TSFM: variants seen among roughly 807,000 people sequenced by gnomAD.
TSFM encodes elongation factor Ts, mitochondrial.
In TSFM, 29 loss-of-function variants were observed where a neutral mutation model predicts 33.4. That is an observed-to-expected ratio of 0.87 (90% CI 0.65 to 1.18). The LOEUF (loss-of-function observed/expected upper bound fraction) is 1.18. TSFM is among the 50% of genes most tolerant of loss of function. TSFM has a pLI of 0.00. For missense variants in TSFM, 394 were observed against 395.6 expected, an observed-to-expected ratio of 1.00 and a Z score of 0.04; for synonymous variants, 178 against 163.5, an observed-to-expected ratio of 1.09 and a Z score of -0.68.
intron 2 of TSFM, among the ~76,000 whole-genome samples, chr12:57,784,467 A>G (rs539745445): frequency 6.6e-6 from 1 of 152,374 alleles, no homozygotes; most frequent in South Asian, 2.1e-4. Context: ...AACTTTTAAC[A>G]TGTTTTAAAT....
chr12:57,787,032 T>C lies in TSFM; in HGVS notation c.361-8T>C. The C allele has an allele frequency of 6.2e-7, 1 of 1,612,992 alleles. No homozygotes were observed. The highest frequency in any genetic ancestry group is 8.5e-7 in the Non-Finnish European group (1 of 1,179,448). On this transcript the variant is annotated splice_region_variant and splice_polypyrimidine_tract_variant and intron_variant, in intron 3 of 5. Coordinates refer to ENST00000652027, the MANE Select transcript of TSFM (RefSeq NM_005726.6). ...AGCTTATACAGCTATATCAATTTGT[T>C]CCCACAGGTAAACTGTGAGACAGAT... is the stretch of plus-strand genomic sequence containing the variant.
At chr12:57,783,336 T>G in intron 2 of TSFM, 53 bp downstream of exon 2, 3 of 1,607,578 alleles carry the variant, frequency 1.9e-6, no homozygotes, top group Non-Finnish European at 2.6e-6. Flanking sequence ...CCTCAGACTC[T>G]TGGGGCGGTC....
At chr12:57,790,036 T>C (rs2140421062) in intron 4 of TSFM, among the ~76,000 whole-genome samples, 1 of 151,552 alleles carries the variant, frequency 6.6e-6, no homozygotes, top group African/African-American at 2.4e-5. Flanking sequence ...GATTTGAATG[T>C]TAGGTGTGCT....
intron 5 of TSFM, among the ~76,000 whole-genome samples, chr12:57,795,234 G>C (rs1030477052): frequency 5.9e-5 from 9 of 151,492 alleles, no homozygotes; most frequent in African/African-American, 2.2e-4. Context: ...GAGTAGCTGG[G>C]ATTACAGGCA....
At position 57,792,872 on chromosome 12, in the gene TSFM, G is replaced by A. The variant is rs989355501; in HGVS notation, c.484-114G>A. The A allele has an allele frequency of 3.2e-5, 33 of 1,027,466 alleles. No homozygotes were observed. In the Admixed American group the frequency reaches 5.7e-4, roughly 18 times the overall value. The allele number at this position is 1,027,466 out of a possible 1,614,324, so 63.6% of individuals were successfully genotyped here. A position where few individuals can be genotyped will look rare whatever the true frequency, so the allele number is the denominator to read the frequency against. ...TTCCCAAAGTGTTGGGATTACAGGC[G>A]TGAGCCACCACGCCTGGCCAATACT... On this transcript the variant is annotated intron_variant, in intron 4 of 5. Coordinates refer to ENST00000652027, the MANE Select transcript of TSFM (RefSeq NM_005726.6).
intron 5 of TSFM, 86 bp downstream of exon 5, chr12:57,793,159 A>G: frequency 8.5e-7 from 1 of 1,180,932 alleles, no homozygotes; most frequent in South Asian, 1.3e-5. Context: ...GTCAAGAATC[A>G]TGTGCCTACA....
chr12:57,790,739 T>C (rs892244733), intron 4 of TSFM, among the ~76,000 whole-genome samples: 1 of 152,090 alleles, frequency 6.6e-6, no homozygotes, highest in Non-Finnish European at 1.5e-5. Context: ...TCAGTATTTA[T>C]TTTCACCCCA....
chr12:57,782,817 T>C lies in TSFM; in HGVS notation c.16T>C (p.Ser6Pro). 3 of 1,593,566 alleles carry C rather than the reference T, an allele frequency of 1.9e-6. No individual in the cohort carries two copies. Among genetic ancestry groups the C allele is most frequent in the Non-Finnish European group, 1.7e-6 (2 of 1,170,970 alleles). ...GGCTAGAGAGATGTCGCTGCTGCGG[T>C]CGCTGCGCGTGTTTCTGGTCGCGCG... MSLLR[S>P]LRVFLVARTG... The change falls in exon 1 of 6, where the codon TCG becomes CCG. Residue 6 changes from serine (S) to proline (P), a missense_variant. Ser to Pro is a moderately conservative substitution (Grantham distance 74). Coordinates refer to ENST00000652027, the MANE Select transcript of TSFM (RefSeq NM_005726.6).
rs924272394 is a variant in TSFM at position 57,796,825 on chromosome 12, T to C, written c.*242T>C. The C allele has an allele frequency of 7.6e-5, 88 of 1,158,382 alleles. 1 individual carries two copies. Among genetic ancestry groups the C allele is most frequent in the Non-Finnish European group, 9.3e-5 (88 of 943,168 alleles). 71.8% of individuals were successfully genotyped at this position (1,158,382 alleles called of 1,614,324 possible). A position where few individuals can be genotyped will look rare whatever the true frequency, so the allele number is the denominator to read the frequency against. ...TGTCGTGGAGAACAGGCATCAACAA[T>C]ACTGCTGCTCCCTTCAACATAGATT... is the stretch of plus-strand genomic sequence containing the variant. On this transcript the variant is annotated 3_prime_UTR_variant, in exon 6 of 6. Transcript: ENST00000652027.
chr12:57,784,243 A>G (rs909256546), intron 2 of TSFM: 4 of 656,180 alleles, frequency 6.1e-6, no homozygotes, highest in Non-Finnish European at 1.1e-5. Context: ...ATACATCTCC[A>G]TAGGGAACTT....
downstream of TSFM, chr12:57,801,497 T>C (rs1955847235): frequency 4.1e-6 from 1 of 241,048 alleles, no homozygotes; most frequent in Non-Finnish European, 8.2e-6. Context: ...CCCAGCACTT[T>C]GGGAGGCTGA....
chr12:57,785,466 T>G (rs2140416350), intron 2 of TSFM, among the ~76,000 whole-genome samples: 1 of 152,238 alleles, frequency 6.6e-6, no homozygotes, highest in Non-Finnish European at 1.5e-5. Flanking sequence ...CTGTTAAATT[T>G]TTTTATTTTT....
chr12:57,789,264 A>AAAATGTGTTAGTTTTAGTAG, intron 4 of TSFM, among the ~76,000 whole-genome samples: 1 of 151,996 alleles, frequency 6.6e-6, no homozygotes, highest in East Asian at 1.9e-4. Context: ...GCACCCGGTC[A>AAAATGTGTTAGTTTTAGTAG]TCATCACTGT....
intron 4 of TSFM, among the ~76,000 whole-genome samples, chr12:57,789,998 T>C (rs1170163306): frequency 6.6e-6 from 1 of 152,072 alleles, no homozygotes; most frequent in Non-Finnish European, 1.5e-5. Flanking sequence ...TGGTCCTTTT[T>C]AGTTGGGGAA....
intron 2 of TSFM, chr12:57,784,157 GT>G: frequency 1.4e-6 from 1 of 702,094 alleles, no homozygotes; most frequent in Non-Finnish European, 2.6e-6. Context: ...ACTGTAGGCA[GT>G]TGTAACACAG....
downstream of TSFM, chr12:57,802,237 T>C (rs1220714666): frequency 6.2e-7 from 1 of 1,614,174 alleles, no homozygotes; most frequent in Non-Finnish European, 8.5e-7. Flanking sequence ...ATGATCAGGA[T>C]TGGTGTGTCG....
chr12:57,785,817 G>A (rs757102491), intron 2 of TSFM, among the ~76,000 whole-genome samples: 2 of 152,154 alleles, frequency 1.3e-5, no homozygotes, highest in African/African-American at 2.4e-5. Context: ...GAGGACTACC[G>A]TGTCACTAGA....
chr12:57,782,895 C>T (rs1955531192), intron 1 of TSFM, 37 bp downstream of exon 1: 2 of 1,565,366 alleles, frequency 1.3e-6, no homozygotes, highest in Non-Finnish European at 1.7e-6. Flanking sequence ...CCTGCTGTCC[C>T]TGCAGCTCTC....
downstream of TSFM, chr12:57,799,778 T>C: frequency 6.2e-7 from 1 of 1,613,546 alleles, no homozygotes; most frequent in East Asian, 2.2e-5. Context: ...ACAGACACAG[T>C]TCCTTCAGCC....
Sources: allele counts gnomAD v4.1 joint callset (sites outside exome capture counted in the v4.1 genomes callset), GRCh38; gene constraint gnomAD v4.1.1; transcripts MANE v1.5; gene names NCBI Gene and HGNC (gene_info 2026-07-23, HGNC 2026-07-21).